Variants in TRPM3 observed in about 807,000 individuals in gnomAD.
TRPM3 encodes long transient receptor potential channel 3.
TRPM3 carries 77 observed loss-of-function variants against 181.2 expected under a neutral mutation model. The observed-to-expected ratio is 0.42, with a 90% confidence interval of 0.35 to 0.51. TRPM3 has a LOEUF of 0.51. Among genes scored for constraint, TRPM3 ranks in the 20% least tolerant of loss-of-function variants. TRPM3 has a pLI of 0.01. For missense variants in TRPM3, 1,759 were observed against 2,196.7 expected, an observed-to-expected ratio of 0.80 and a Z score of 3.98; for synonymous variants, 745 against 796.4, an observed-to-expected ratio of 0.94 and a Z score of 1.09.
rs562223663 is a variant in TRPM3 at position 71,079,814 on chromosome 9, G to A, written c.177+41364C>T. Among the ~76,000 whole-genome samples the A allele has an allele frequency of 3.2e-4, 48 of 152,184 alleles. No homozygotes were observed. The South Asian group carries it at 8.1e-3, about 26-fold the overall frequency. ...TCCTATATCCTGAAATGGACTTTCC[G>A]CACTGCCCACATTACCCCCAGTGGT... is the stretch of plus-strand genomic sequence containing the variant. On this transcript the variant is annotated intron_variant, in intron 1 of 25. Coordinates refer to ENST00000677713, the MANE Select transcript of TRPM3 (RefSeq NM_001366145.2).
chr9:71,279,855 A>G (rs2084558199), intron 1 of TRPM3, among the ~76,000 whole-genome samples: 1 of 152,148 alleles, frequency 6.6e-6, no homozygotes, highest in South Asian at 2.1e-4. Flanking sequence ...AGGCAGGCGG[A>G]TCACCTGAGG....
At chr9:70,786,311 C>CAAAAAAAA (rs71367227) in intron 6 of TRPM3, among the ~76,000 whole-genome samples, 10,701 of 53,632 alleles carry the variant, frequency 0.2, 1,137 homozygotes, top group East Asian at 0.3. Context: ...CTAAAAATAC[C>CAAAAAAAA]AAAAAAAAAA....
intron 1 of TRPM3, among the ~76,000 whole-genome samples, chr9:71,434,497 G>A (rs570420056): frequency 5.3e-5 from 8 of 152,284 alleles, no homozygotes; most frequent in African/African-American, 1.9e-4. Context: ...CCAGGCTATG[G>A]TATTTTACTA....
chr9:71,362,565 T>C (rs1039297280), intron 1 of TRPM3, among the ~76,000 whole-genome samples: 1 of 152,200 alleles, frequency 6.6e-6, no homozygotes, highest in African/African-American at 2.4e-5. Context: ...GCCAGTATAC[T>C]TATACACTCT....
chr9:70,694,314 T>G (rs1170367638), intron 8 of TRPM3, among the ~76,000 whole-genome samples: 1 of 152,124 alleles, frequency 6.6e-6, no homozygotes, highest in Non-Finnish European at 1.5e-5. Context: ...GACTAGCTGG[T>G]GACTGGAGAT....
chr9:70,811,131 T>C, intron 6 of TRPM3: 3 of 1,506,758 alleles, frequency 2.0e-6, no homozygotes, highest in Non-Finnish European at 2.7e-6. Context: ...TTTCTTGGAG[T>C]TTAAGAAGAA....
chr9:70,901,813 ATGAT>A lies in TRPM3; in HGVS notation c.178-37306_178-37303del, dbSNP rs1042882787. ...CAAGTTATTAATTTCCAAGTTATTA[ATGAT>A]TGATTAATGACCCAGAGAATGACTA... is the stretch of plus-strand genomic sequence containing the variant. On this transcript the variant is annotated intron_variant, in intron 1 of 25. Transcript: ENST00000677713. Among the ~76,000 whole-genome samples the A allele has an allele frequency of 5.9e-5, 9 of 152,300 alleles. No individual in the cohort carries two copies. In the East Asian group the frequency reaches 7.7e-4, roughly 13 times the overall value.
chr9:71,217,377 ATG>A (rs1003199555), intron 1 of TRPM3, among the ~76,000 whole-genome samples: 1 of 152,140 alleles, frequency 6.6e-6, no homozygotes, highest in Non-Finnish European at 1.5e-5. Flanking sequence ...GCACTAAAGT[ATG>A]TGTGTGTCAG....
chr9:70,907,950 C>T (rs1051557731), intron 1 of TRPM3, among the ~76,000 whole-genome samples: 1 of 152,106 alleles, frequency 6.6e-6, no homozygotes, highest in Non-Finnish European at 1.5e-5. Flanking sequence ...TTATCCAATC[C>T]ACAACTGATG....
intron 8 of TRPM3, among the ~76,000 whole-genome samples, chr9:70,738,398 T>C (rs2073255085): frequency 6.6e-6 from 1 of 151,572 alleles, no homozygotes. Flanking sequence ...TAAAGTATAA[T>C]AATAAAAAAA....
intron 1 of TRPM3, among the ~76,000 whole-genome samples, chr9:70,951,969 T>C (rs1022089541): frequency 6.6e-6 from 1 of 152,154 alleles, no homozygotes; most frequent in Non-Finnish European, 1.5e-5. Flanking sequence ...ATGAAAATGA[T>C]TTAGGGGAAG....
intron 20 of TRPM3, among the ~76,000 whole-genome samples, chr9:70,602,547 A>G (rs982740217): frequency 6.6e-6 from 1 of 152,230 alleles, no homozygotes; most frequent in Non-Finnish European, 1.5e-5. Flanking sequence ...GGAAAAATGC[A>G]GAGAAATCAG....
At chr9:70,745,069 A>C (rs2074905039) in intron 8 of TRPM3, among the ~76,000 whole-genome samples, 1 of 152,224 alleles carries the variant, frequency 6.6e-6, no homozygotes, top group Non-Finnish European at 1.5e-5. Flanking sequence ...TGTGCTAAAC[A>C]TAAAGTGCTA....
chr9:70,892,599 C>T (rs1472162156), intron 1 of TRPM3, among the ~76,000 whole-genome samples: 2 of 137,224 alleles, frequency 1.5e-5, no homozygotes, highest in Admixed American at 7.1e-5. Flanking sequence ...TCAAATTTAC[C>T]CGTTTGACCT....
At chr9:71,393,904 A>G (rs968707105) in intron 1 of TRPM3, among the ~76,000 whole-genome samples, 1 of 152,210 alleles carries the variant, frequency 6.6e-6, no homozygotes, top group African/African-American at 2.4e-5. Flanking sequence ...TTTGTACTGA[A>G]AAATTGGAAT....
chr9:70,967,265 T>A (rs1409380304), intron 1 of TRPM3, among the ~76,000 whole-genome samples: 1 of 151,992 alleles, frequency 6.6e-6, no homozygotes, highest in Non-Finnish European at 1.5e-5. Context: ...CTAAGAAAGA[T>A]CAGAGAACAG....
At position 71,421,006 on chromosome 9, in the gene TRPM3, A is replaced by AG. The variant is rs71352380; in HGVS notation, c.183+25646_183+25647insC. On this transcript the variant is annotated intron_variant, in intron 1 of 24. Transcript: ENST00000357533. ...GAGAAAAAGAGAGAGAAAAAGAGAGAAAAAGAGAGAAAAAGAGAGAAAAAG... is the reference window on the plus strand; with the variant it reads ...GAGAAAAAGAGAGAGAAAAAGAGAGAGAAAAGAGAGAAAAAGAGAGAAAAAG... 2.5e-3 allele frequency among the ~76,000 whole-genome samples: 371 copies of AG among 146,760 alleles called. 6 individuals are homozygous for AG. Among genetic ancestry groups the AG allele is most frequent in the African/African-American group, 9.2e-3 (354 of 38,346 alleles).
At chr9:70,643,834 T>C (rs971744995) in intron 9 of TRPM3, among the ~76,000 whole-genome samples, 3 of 152,260 alleles carry the variant, frequency 2.0e-5, no homozygotes, top group Non-Finnish European at 2.9e-5. Flanking sequence ...AATGTGAGGA[T>C]AAAATTAAGA....
chr9:70,697,408 A>G (rs1231340174), intron 8 of TRPM3, among the ~76,000 whole-genome samples: 1 of 152,226 alleles, frequency 6.6e-6, no homozygotes, highest in Non-Finnish European at 1.5e-5. Context: ...CCTAAACCCA[A>G]GTAATCTCTC....
Sources: allele counts gnomAD v4.1 joint callset (sites outside exome capture counted in the v4.1 genomes callset), GRCh38; gene constraint gnomAD v4.1.1; transcripts MANE v1.5; gene names NCBI Gene and HGNC (gene_info 2026-07-23, HGNC 2026-07-21).